Variants in LINGO2 observed in about 807,000 individuals in gnomAD.
LINGO2 encodes leucine rich repeat and Ig domain containing 2.
A neutral mutation model predicts 30.6 loss-of-function variants in LINGO2; 14 were observed. That is an observed-to-expected ratio of 0.46 (90% CI 0.30 to 0.72). LINGO2 has a LOEUF of 0.72. LINGO2 is among the 30% of genes least tolerant of loss of function. The pLI is 0.07. For synonymous variants in LINGO2, 317 were observed against 288.5 expected (o/e 1.10, Z -1.00); for missense variants, 729 against 751.7 (o/e 0.97, Z 0.35).
At chr9:28,895,044 A>G in the LINGO2 span, among the ~76,000 whole-genome samples, 116,405 of 151,986 alleles carry the variant, frequency 0.77, 44,959 homozygotes, top group Non-Finnish European at 0.82. Context: ...TTCAGTAATT[A>G]TCTATTTTAC....
the LINGO2 span, among the ~76,000 whole-genome samples, chr9:28,845,743 A>G: frequency 6.6e-6 from 1 of 151,688 alleles, no homozygotes; most frequent in African/African-American, 2.4e-5. Context: ...AATAATAAAT[A>G]GATAATTTCT....
intron 2 of LINGO2, among the ~76,000 whole-genome samples, chr9:28,395,972 C>T (rs1218101365): frequency 2.0e-5 from 3 of 152,024 alleles, no homozygotes; most frequent in African/African-American, 7.2e-5. Context: ...ATCCATTTGT[C>T]TTGGTTAAAA....
chr9:28,670,423 T>C (rs1414865556), upstream of LINGO2: 1 of 152,168 alleles, frequency 6.6e-6, no homozygotes, highest in African/African-American at 2.4e-5. Context: ...ATAATAGCTT[T>C]TGTTAAATGT....
At chr9:28,623,359 G>A (rs1227968661) in intron 1 of LINGO2, among the ~76,000 whole-genome samples, 2 of 152,128 alleles carry the variant, frequency 1.3e-5, no homozygotes, top group South Asian at 4.1e-4. Flanking sequence ...ATTTTGATTT[G>A]ATTTTTGTAT....
chr9:28,237,599 C>T (rs1259831814), intron 4 of LINGO2, among the ~76,000 whole-genome samples: 1 of 152,148 alleles, frequency 6.6e-6, no homozygotes, highest in African/African-American at 2.4e-5. Context: ...CCTGCAATCC[C>T]AGCACTTTGG....
chr9:28,125,282 A>C (rs912157489), intron 4 of LINGO2, among the ~76,000 whole-genome samples: 12 of 152,242 alleles, frequency 7.9e-5, no homozygotes, highest in African/African-American at 2.9e-4. Flanking sequence ...CTTAAAGAGA[A>C]ATAAAAGACA....
At chr9:28,495,409 G>A (rs1003477496) in intron 1 of LINGO2, among the ~76,000 whole-genome samples, 29 of 152,090 alleles carry the variant, frequency 1.9e-4, no homozygotes, top group African/African-American at 6.5e-4. Context: ...TATAAGGAAG[G>A]GATCCAGTTT....
chr9:28,222,237 G>A (rs1311874876), intron 4 of LINGO2, among the ~76,000 whole-genome samples: 1 of 152,154 alleles, frequency 6.6e-6, no homozygotes, highest in Non-Finnish European at 1.5e-5. Flanking sequence ...TGGCAAATGT[G>A]AAGAGGCACT....
chr9:28,993,800 T>G, the LINGO2 span, among the ~76,000 whole-genome samples: 1 of 151,902 alleles, frequency 6.6e-6, no homozygotes, highest in African/African-American at 2.4e-5. Flanking sequence ...AAAAAAGGCC[T>G]TGGAGAAAAT....
intron 2 of LINGO2, among the ~76,000 whole-genome samples, chr9:28,406,825 A>G (rs1321522503): frequency 1.3e-5 from 2 of 152,214 alleles, no homozygotes; most frequent in East Asian, 3.9e-4. Flanking sequence ...AGCTATTTTA[A>G]TTCATTCTTC....
chr9:28,727,759 C>T, the LINGO2 span, among the ~76,000 whole-genome samples: 1 of 152,120 alleles, frequency 6.6e-6, no homozygotes, highest in Non-Finnish European at 1.5e-5. Context: ...AAGAAATCTG[C>T]TCCTTCACTA....
the LINGO2 span, among the ~76,000 whole-genome samples, chr9:28,695,148 T>G: frequency 6.6e-6 from 1 of 151,910 alleles, no homozygotes; most frequent in Admixed American, 6.6e-5. Context: ...GAACAAAGTT[T>G]TTCATAACTG....
chr9:28,281,232 TAAA>T (rs1823313633), intron 4 of LINGO2, among the ~76,000 whole-genome samples: 1 of 152,082 alleles, frequency 6.6e-6, no homozygotes, highest in South Asian at 2.1e-4. Flanking sequence ...TTTATTTTTT[TAAA>T]AATTAATAAA....
At chr9:28,345,898 C>A (rs566917991) in intron 3 of LINGO2, among the ~76,000 whole-genome samples, 5 of 152,156 alleles carry the variant, frequency 3.3e-5, no homozygotes, top group African/African-American at 1.2e-4. Context: ...ACAACACCCA[C>A]ATAATGTATC....
intron 4 of LINGO2, among the ~76,000 whole-genome samples, chr9:28,123,818 C>A (rs1346925209): frequency 6.6e-6 from 1 of 152,050 alleles, no homozygotes; most frequent in Non-Finnish European, 1.5e-5. Context: ...CACCCGCCAC[C>A]ACTCCTGGCT....
the LINGO2 span, among the ~76,000 whole-genome samples, chr9:28,945,825 G>A: frequency 6.6e-6 from 1 of 152,080 alleles, no homozygotes; most frequent in Non-Finnish European, 1.5e-5. Flanking sequence ...ACAAACCTAA[G>A]GTAAAGATCT....
intron 1 of LINGO2, among the ~76,000 whole-genome samples, chr9:28,654,458 T>C (rs1243080300): frequency 7.0e-6 from 1 of 143,306 alleles, no homozygotes; most frequent in Non-Finnish European, 1.5e-5. Flanking sequence ...ATATTTATAG[T>C]ATATGATAGA....
At chr9:28,677,950 G>C in the LINGO2 span, among the ~76,000 whole-genome samples, 3 of 151,664 alleles carry the variant, frequency 2.0e-5, no homozygotes, top group East Asian at 2.0e-4. Flanking sequence ...CCATCTACAT[G>C]TTATCATTAT....
At chr9:28,469,174 A>G (rs541908829) in intron 2 of LINGO2, among the ~76,000 whole-genome samples, 27 of 152,198 alleles carry the variant, frequency 1.8e-4, no homozygotes, top group African/African-American at 6.3e-4. Context: ...TTGAAAATTC[A>G]CTAGAGTTGT....
Sources: gnomAD v4.1 joint callset for allele counts (sites outside exome capture counted in the v4.1 genomes callset) on GRCh38, gnomAD v4.1.1 for gene constraint, MANE v1.5 for transcripts, NCBI Gene and HGNC (gene_info 2026-07-23, HGNC 2026-07-21) for gene names.